The following ZC3H12D variants were observed in gnomAD, a reference collection of about 807,000 sequenced individuals.
The protein encoded by ZC3H12D is zinc finger CCCH-type containing 12D, also known as probable ribonuclease ZC3H12D.
In ZC3H12D, 11 loss-of-function variants were observed where a neutral mutation model predicts 24.2. That is an observed-to-expected ratio of 0.46 (90% CI 0.29 to 0.75). The LOEUF is 0.75. Among genes scored for constraint, ZC3H12D ranks in the 30% least tolerant of loss-of-function variants. ZC3H12D has a pLI of 0.11. For synonymous variants in ZC3H12D, 333 were observed against 341.8 expected, an observed-to-expected ratio of 0.97 and a Z score of 0.28; for missense variants, 740 against 767.7, an observed-to-expected ratio of 0.96 and a Z score of 0.43.
intron 2 of ZC3H12D, among the ~76,000 whole-genome samples, chr6:149,464,145 C>T (rs750200730): frequency 6.6e-6 from 1 of 152,140 alleles, no homozygotes; most frequent in Non-Finnish European, 1.5e-5. Context: ...TCTGCGACTT[C>T]GCAGCTGGTT....
At position 149,463,352 on chromosome 6, in the gene ZC3H12D, TA is replaced by T. The variant is rs1453050547; in HGVS notation, c.306-1383del. ...TTCCTTTCTTCCTCCTAAGAGGAATTAAAAAGCCACGGAAGGATTTCAAGAT... is the reference window on the plus strand; with the variant it reads ...TTCCTTTCTTCCTCCTAAGAGGAATTAAAAGCCACGGAAGGATTTCAAGAT... On this transcript the variant is annotated intron_variant, in intron 2 of 5. Transcript: ENST00000409806. Among the ~76,000 whole-genome samples, 7 of 152,314 alleles carry T rather than the reference TA, an allele frequency of 4.6e-5. No individual in the cohort carries two copies. The East Asian group carries it at 1.2e-3, about 25-fold the overall frequency.
intron 1 of ZC3H12D, among the ~76,000 whole-genome samples, chr6:149,476,946 GTGAATGAATGAATGAA>G (rs544055324): frequency 6.6e-6 from 1 of 152,150 alleles, no homozygotes; most frequent in Non-Finnish European, 1.5e-5. Flanking sequence ...GTGTTGATTG[GTGAATGAATGAATGAA>G]TGAATGAATG....
At chr6:149,457,700 G>A (rs1007278917) in intron 3 of ZC3H12D, among the ~76,000 whole-genome samples, 1 of 152,140 alleles carries the variant, frequency 6.6e-6, no homozygotes, top group African/African-American at 2.4e-5. Flanking sequence ...ACATTACAAG[G>A]CCTTTCTTAT....
rs371517120 is a variant in ZC3H12D, at chr6:149,469,318, C to T, written c.305+4921G>A. 5.3e-5 allele frequency among the ~76,000 whole-genome samples: 8 copies of T among 152,090 alleles called. No homozygotes were observed. The East Asian group carries it at 1.5e-3, about 29-fold the overall frequency. Reference sequence around the variant, plus strand: ...TAAAAGTACAAAAAAATTAGCTGGACGTGGTGGCGGGCACCTGTAGTCCCA... The same window carrying T: ...TAAAAGTACAAAAAAATTAGCTGGATGTGGTGGCGGGCACCTGTAGTCCCA... On this transcript the variant is annotated intron_variant, in intron 2 of 5. Transcript: ENST00000409806.
intron 3 of ZC3H12D, among the ~76,000 whole-genome samples, chr6:149,460,795 A>G (rs1776060016): frequency 6.6e-6 from 1 of 151,684 alleles, no homozygotes; most frequent in South Asian, 2.1e-4. Context: ...GTGCCGTTGT[A>G]CTATGGCCTG....
At chr6:149,479,165 G>C (rs575858926) in intron 1 of ZC3H12D, among the ~76,000 whole-genome samples, 1 of 152,274 alleles carries the variant, frequency 6.6e-6, no homozygotes, top group South Asian at 2.1e-4. Flanking sequence ...TTCAAGAATA[G>C]CCTGGACAAT....
At position 149,451,468 on chromosome 6, in the gene ZC3H12D, T is replaced by A. The variant is rs760915234; in HGVS notation, c.799A>T (p.Thr267Ser). 3 of 1,569,562 alleles carry A rather than the reference T, an allele frequency of 1.9e-6. No individual in the cohort carries two copies. In the South Asian group the frequency reaches 3.4e-5, roughly 18 times the overall value. Residue 267 changes from threonine to serine, a missense_variant, in exon 6 of 6, where the codon ACC becomes TCC. Thr to Ser is a moderately conservative substitution (Grantham distance 58). Transcript: ENST00000409806. ...WQHCPYGKKCTYGIKCKFYHP... is the reference protein window; with the variant it reads ...WQHCPYGKKCSYGIKCKFYHP... ...TAGAACTTGCACTTGATGCCATAGG[T>A]GCATTTCTTGCCTGAAAGGGGCGGG... is the stretch of plus-strand genomic sequence containing the variant.
rs139593736 is a variant in ZC3H12D at position 149,476,313 on chromosome 6, T to C, written c.-70-1700A>G. Among the ~76,000 whole-genome samples, 126 of 152,310 alleles carry C rather than the reference T, an allele frequency of 8.3e-4. 3 individuals carry two copies. The East Asian group carries it at 0.022, about 27-fold the overall frequency. ...CAAGGTCAGGAATTCGAGACCGGCC[T>C]GGCCAACATGGCGAAATCCTGTCTC... On this transcript the variant is annotated intron_variant, in intron 1 of 5. Coordinates refer to ENST00000409806, the MANE Select transcript of ZC3H12D (RefSeq NM_207360.3).
intron 1 of ZC3H12D, among the ~76,000 whole-genome samples, chr6:149,479,196 CA>C (rs1169525749): frequency 6.6e-6 from 1 of 152,062 alleles, no homozygotes; most frequent in Non-Finnish European, 1.5e-5. Context: ...CCCATCTCTA[CA>C]AAAAATGTTA....
At chr6:149,455,315 C>T (rs1583184334) in intron 4 of ZC3H12D, among the ~76,000 whole-genome samples, 1 of 152,238 alleles carries the variant, frequency 6.6e-6, no homozygotes, top group African/African-American at 2.4e-5. Flanking sequence ...CTAGTTACTG[C>T]ACCCCTGTGG....
intron 1 of ZC3H12D, among the ~76,000 whole-genome samples, chr6:149,482,225 T>C (rs576553569): frequency 5.6e-4 from 85 of 152,348 alleles, no homozygotes; most frequent in African/African-American, 2.0e-3. Context: ...TTAAAACTTC[T>C]AAATACGGAA....
chr6:149,479,484 G>C (rs1416569596), intron 1 of ZC3H12D, among the ~76,000 whole-genome samples: 1 of 152,278 alleles, frequency 6.6e-6, no homozygotes, highest in East Asian at 1.9e-4. Context: ...TCAAGATTCA[G>C]CTCAGATGTT....
At position 149,453,552 on chromosome 6, in the gene ZC3H12D, C is replaced by T. The variant is rs1039381632; in HGVS notation, c.681-830G>A. 8.5e-5 allele frequency among the ~76,000 whole-genome samples: 13 copies of T among 152,140 alleles called. No homozygotes were observed. In the East Asian group the frequency reaches 2.5e-3, roughly 29 times the overall value. On this transcript the variant is annotated intron_variant, in intron 4 of 5. Coordinates refer to ENST00000409806, the MANE Select transcript of ZC3H12D (RefSeq NM_207360.3). Reference sequence around the variant, plus strand: ...CTGAGGCAGGAGAATTGCTTGAACCCGGGAGGCGAAGGTTGCAGTGAGCCG... The same window carrying T: ...CTGAGGCAGGAGAATTGCTTGAACCTGGGAGGCGAAGGTTGCAGTGAGCCG...
chr6:149,454,994 T>C (rs1269270084), intron 4 of ZC3H12D, among the ~76,000 whole-genome samples: 1 of 152,226 alleles, frequency 6.6e-6, no homozygotes, highest in Admixed American at 6.5e-5. Context: ...CTACCACTTC[T>C]GGGGCACAAT....
At chr6:149,464,099 C>A (rs1776116441) in intron 2 of ZC3H12D, among the ~76,000 whole-genome samples, 1 of 152,170 alleles carries the variant, frequency 6.6e-6, no homozygotes, top group Admixed American at 6.5e-5. Context: ...TTCCTGCTCG[C>A]CTGGAGAGAA....
At position 149,450,063 on chromosome 6, in the gene ZC3H12D, G is replaced by C. The variant is rs1234641152; in HGVS notation, c.*620C>G. ...GACAGCCACACAATTCAGAGCACAGGAGAGCCCACACCTGGAGGCTGGGCT... is the reference window on the plus strand; with the variant it reads ...GACAGCCACACAATTCAGAGCACAGCAGAGCCCACACCTGGAGGCTGGGCT... On this transcript the variant is annotated 3_prime_UTR_variant, in exon 6 of 6. Coordinates refer to ENST00000409806, the MANE Select transcript of ZC3H12D (RefSeq NM_207360.3). 1 of 152,252 alleles carries C rather than the reference G, an allele frequency of 6.6e-6. No individual in the cohort carries two copies. The highest frequency in any genetic ancestry group is 2.4e-5 in the African/African-American group (1 of 41,428). The allele number at this position is 152,252 out of a possible 1,614,324, so 9.4% of individuals were successfully genotyped here. A position where few individuals can be genotyped will look rare whatever the true frequency, so the allele number is the denominator to read the frequency against.
chr6:149,451,031 C>A lies in ZC3H12D; in HGVS notation c.1236G>T (p.Gln412His). ...CCCTAGGGCGGTGTTCGCCCCGCGG[C>A]TGGAGCTGCAGGCCGGGCGGAGGCG... ...DLPPPPGLQLQPRGEHRPRDL... is the reference protein window; with the variant it reads ...DLPPPPGLQLHPRGEHRPRDL... Residue 412 changes from glutamine (Q) to histidine (H), a missense_variant, in exon 6 of 6, where the codon CAG becomes CAT. By Grantham distance (24) the Gln-to-His change is conservative (BLOSUM62 0). Transcript: ENST00000409806. 6.9e-7 allele frequency: 1 copy of A among 1,440,746 alleles called. No homozygotes were observed. Among genetic ancestry groups the A allele is most frequent in the Non-Finnish European group, 9.1e-7 (1 of 1,102,842 alleles). 89.2% of individuals were successfully genotyped at this position (1,440,746 alleles called of 1,614,324 possible). A position where few individuals can be genotyped will look rare whatever the true frequency, so the allele number is the denominator to read the frequency against.
Position 149,451,219 on chromosome 6 carries a change from C to T in ZC3H12D, c.1048G>A (p.Ala350Thr). Residue 350 changes from alanine (A) to threonine (T), a missense_variant, in exon 6 of 6, where the codon GCC becomes ACC. Ala to Thr is a moderately conservative substitution (Grantham distance 58, BLOSUM62 0). Coordinates refer to ENST00000409806, the MANE Select transcript of ZC3H12D (RefSeq NM_207360.3). ...AGGGGCCCCAGGTCGTCGCTGAAGG[C>T]CAGCCGAGAGAAGCTCCCTCGCAGG... ...AALRGSFSRL[A>T]FSDDLGPLGP... 7.7e-7 allele frequency: 1 copy of T among 1,306,040 alleles called. No individual in the cohort carries two copies. The highest frequency in any genetic ancestry group is 9.7e-7 in the Non-Finnish European group (1 of 1,033,736). The allele number at this position is 1,306,040 out of a possible 1,614,324, so 80.9% of individuals were successfully genotyped here.
At chr6:149,460,789 C>T (rs1203736746) in intron 3 of ZC3H12D, among the ~76,000 whole-genome samples, 1 of 150,848 alleles carries the variant, frequency 6.6e-6, no homozygotes, top group Non-Finnish European at 1.5e-5. Flanking sequence ...GAGATTGTGC[C>T]GTTGTACTAT....
Sources: allele counts gnomAD v4.1 joint callset (sites outside exome capture counted in the v4.1 genomes callset), GRCh38; gene constraint gnomAD v4.1.1; transcripts MANE v1.5; gene names NCBI Gene and HGNC (gene_info 2026-07-23, HGNC 2026-07-21).